Variants in LCLAT1 observed in about 807,000 individuals in gnomAD.
The protein encoded by LCLAT1 is 1-AGP acyltransferase 8.
In LCLAT1, 11 loss-of-function variants were observed where a neutral mutation model predicts 30.7. The observed-to-expected ratio is 0.36, with a 90% CI of 0.23 to 0.59. LCLAT1 has a LOEUF of 0.59. Ranked by LOEUF, LCLAT1 falls within the 20% of genes least tolerant of loss-of-function variation. The pLI is 0.77. For synonymous variants in LCLAT1, 155 were observed against 151.3 expected, an observed-to-expected ratio of 1.02 and a Z score of -0.18; for missense variants, 402 against 458.6, an observed-to-expected ratio of 0.88 and a Z score of 1.13.
chr2:30,522,875 A>T (rs912675992), intron 1 of LCLAT1, among the ~76,000 whole-genome samples: 2 of 152,252 alleles, frequency 1.3e-5, no homozygotes, highest in Non-Finnish European at 2.9e-5. Context: ...ATTTGATGCT[A>T]CTAATTTGTT....
chr2:30,509,788 T>A (rs879654671), intron 1 of LCLAT1, among the ~76,000 whole-genome samples: 2 of 152,108 alleles, frequency 1.3e-5, no homozygotes, highest in Non-Finnish European at 2.9e-5. Flanking sequence ...GGTCTCAAAC[T>A]CCTGACCTCG....
intron 1 of LCLAT1, among the ~76,000 whole-genome samples, chr2:30,496,105 A>G (rs188635243): frequency 7.2e-5 from 11 of 152,238 alleles, no homozygotes; most frequent in Non-Finnish European, 2.9e-5. Context: ...AGCAGGAGGA[A>G]GAGAAAGGGG....
chr2:30,492,374 C>T (rs137917250), intron 1 of LCLAT1, among the ~76,000 whole-genome samples: 3 of 151,990 alleles, frequency 2.0e-5, no homozygotes, highest in Non-Finnish European at 4.4e-5. Flanking sequence ...AGGAGTAAAG[C>T]GGGTATATGA....
intron 1 of LCLAT1, among the ~76,000 whole-genome samples, chr2:30,523,772 G>A (rs1486863742): frequency 6.6e-6 from 1 of 152,196 alleles, no homozygotes; most frequent in African/African-American, 2.4e-5. Context: ...GGAGGCTGAG[G>A]CAGGAGAATC....
chr2:30,552,966 T>C (rs1348995014), intron 3 of LCLAT1, among the ~76,000 whole-genome samples: 1 of 152,232 alleles, frequency 6.6e-6, no homozygotes. Context: ...GGAGCAGTTG[T>C]CTGTCTTTCT....
intron 1 of LCLAT1, among the ~76,000 whole-genome samples, chr2:30,478,308 A>G (rs1683145574): frequency 6.6e-6 from 1 of 152,188 alleles, no homozygotes; most frequent in Admixed American, 6.6e-5. Context: ...CACTTTTTAT[A>G]ACATAATTTT....
chr2:30,613,658 G>C (rs1667851481), intron 5 of LCLAT1, among the ~76,000 whole-genome samples: 1 of 129,142 alleles, frequency 7.7e-6, no homozygotes, highest in Non-Finnish European at 1.6e-5. Flanking sequence ...CATCATCTGT[G>C]GGTGTTTCTC....
chr2:30,617,878 TC>T (rs1668070014), intron 5 of LCLAT1, among the ~76,000 whole-genome samples: 1 of 152,190 alleles, frequency 6.6e-6, no homozygotes, highest in African/African-American at 2.4e-5. Context: ...GTTTTATATA[TC>T]TTAGATACAA....
chr2:30,484,979 T>C lies in LCLAT1; in HGVS notation c.-5+37596T>C, dbSNP rs538127683. On this transcript the variant is annotated intron_variant, in intron 1 of 5. Coordinates refer to ENST00000379509, the MANE Select transcript of LCLAT1 (RefSeq NM_001002257.3). ...TGTGTGTTAAATTTTTTAAAAACAG[T>C]AACTCACTTAAGCAGAAGGTTTATT... Among the ~76,000 whole-genome samples the C allele has an allele frequency of 6.6e-5, 10 of 152,224 alleles. No individual in the cohort carries two copies. In the South Asian group the frequency reaches 2.1e-3, roughly 32 times the overall value.
intron 5 of LCLAT1, among the ~76,000 whole-genome samples, chr2:30,599,025 C>T (rs1469923174): frequency 6.6e-6 from 1 of 151,232 alleles, no homozygotes; most frequent in Non-Finnish European, 1.5e-5. Context: ...ACTCTGGGTC[C>T]AGGCTAGAGT....
intron 1 of LCLAT1, among the ~76,000 whole-genome samples, chr2:30,462,417 A>G (rs1302441739): frequency 6.6e-6 from 1 of 152,252 alleles, no homozygotes; most frequent in African/African-American, 2.4e-5. Context: ...AAAGGGGCAC[A>G]GCTTCACTAA....
At chr2:30,627,172 A>T (rs1038763327) in intron 5 of LCLAT1, among the ~76,000 whole-genome samples, 3 of 152,230 alleles carry the variant, frequency 2.0e-5, no homozygotes, top group African/African-American at 7.2e-5. Flanking sequence ...ATCTTGCAAG[A>T]TGGGGTGTCT....
At chr2:30,477,608 T>A (rs1406113365) in intron 1 of LCLAT1, among the ~76,000 whole-genome samples, 1 of 152,188 alleles carries the variant, frequency 6.6e-6, no homozygotes, top group Non-Finnish European at 1.5e-5. Context: ...TCTCCCTGAT[T>A]TCACTTCTGC....
Position 30,621,642 on chromosome 2 carries a change from C to G in LCLAT1, c.629-18475C>G, listed in dbSNP as rs557279103. Among the ~76,000 whole-genome samples the G allele has an allele frequency of 1.0e-3, 155 of 152,182 alleles. 3 individuals carry two copies. Among genetic ancestry groups the G allele is most frequent in the Admixed American group, 8.3e-3 (127 of 15,278 alleles). On this transcript the variant is annotated intron_variant, in intron 5 of 5. Coordinates refer to ENST00000379509, the MANE Select transcript of LCLAT1 (RefSeq NM_001002257.3). ...CGACCAAAGTGTGAGAAGGGGAACC[C>G]GAAGGTCCAGATCTTGTGAGATGGA...
intron 5 of LCLAT1, among the ~76,000 whole-genome samples, chr2:30,585,987 C>T (rs1666416914): frequency 6.6e-6 from 1 of 152,088 alleles, no homozygotes; most frequent in Non-Finnish European, 1.5e-5. Context: ...CGTGGTGGCT[C>T]ACGCCTGTAA....
intron 1 of LCLAT1, among the ~76,000 whole-genome samples, chr2:30,494,041 ATAAT>A (rs1200180721): frequency 6.6e-6 from 1 of 151,894 alleles, no homozygotes; most frequent in Non-Finnish European, 1.5e-5. Context: ...AAATAAATAA[ATAAT>A]AAATAAAATA....
At chr2:30,527,611 T>C (rs1252627) in intron 2 of LCLAT1, among the ~76,000 whole-genome samples, 14,637 of 152,180 alleles carry the variant, frequency 0.096, 748 homozygotes, top group East Asian at 0.14. Context: ...ACTATTGGCC[T>C]TCCCACTTTC....
chr2:30,525,470 C>T (rs1685665470), intron 1 of LCLAT1, 117 bp from the exon 2 acceptor site: 2 of 781,754 alleles, frequency 2.6e-6, no homozygotes, highest in Admixed American at 4.7e-5. Flanking sequence ...TATATTGTTT[C>T]TTAGAGCCTT....
intron 5 of LCLAT1, among the ~76,000 whole-genome samples, chr2:30,590,980 A>T (rs1435502236): frequency 6.6e-6 from 1 of 152,186 alleles, no homozygotes; most frequent in Non-Finnish European, 1.5e-5. Flanking sequence ...ACTTCGAGGT[A>T]AAATTGGAGA....
Sources: allele counts gnomAD v4.1 joint callset (sites outside exome capture counted in the v4.1 genomes callset), GRCh38; gene constraint gnomAD v4.1.1; transcripts MANE v1.5; gene names NCBI Gene and HGNC (gene_info 2026-07-23, HGNC 2026-07-21).